STAG1: variants seen among roughly 807,000 people sequenced by gnomAD.
STAG1 encodes the protein cohesin subunit SA-1.
A neutral mutation model predicts 170.9 loss-of-function variants in STAG1; 26 were observed. The observed-to-expected ratio is 0.15, with a 90% CI of 0.11 to 0.21. STAG1 has a LOEUF of 0.21. Ranked by LOEUF, STAG1 falls within the 10% of genes least tolerant of loss-of-function variation. The probability of loss-of-function intolerance (pLI) is 1.00; values close to 1 mark genes in which losing one functional copy is unlikely to be tolerated. For missense variants in STAG1, 964 were observed against 1,509.5 expected (o/e 0.64, Z 5.99); for synonymous variants, 514 against 497.7 (o/e 1.03, Z -0.44).
At chr3:136,454,403 A>G (rs2089044364) in intron 13 of STAG1, among the ~76,000 whole-genome samples, 1 of 148,242 alleles carries the variant, frequency 6.7e-6, no homozygotes, top group South Asian at 2.1e-4. Context: ...TTTTGAGATG[A>G]AGTCTCACTC....
chr3:136,739,852 T>TAC (rs961633618), intron 1 of STAG1, among the ~76,000 whole-genome samples: 21 of 151,260 alleles, frequency 1.4e-4, no homozygotes, highest in Admixed American at 6.0e-4. Flanking sequence ...TATACATATA[T>TAC]ACACACACAC....
Position 136,502,930 on chromosome 3 carries a change from A to C in STAG1, c.677-151T>G, listed in dbSNP as rs1933557207. 1.3e-5 allele frequency: 8 copies of C among 614,240 alleles called. No individual in the cohort carries two copies. The South Asian group carries it at 3.2e-4, about 25-fold the overall frequency. The allele number at this position is 614,240 out of a possible 1,614,324, so 38.0% of individuals were successfully genotyped here. A position where few individuals can be genotyped will look rare whatever the true frequency, so the allele number is the denominator to read the frequency against. ...ATTTAAGTTTAAATAAAAGATAACT[A>C]ATTTATAGAAATAAACTCATCTGCA... On this transcript the variant is annotated intron_variant, in intron 7 of 33. Transcript: ENST00000383202.
intron 1 of STAG1, among the ~76,000 whole-genome samples, chr3:136,721,914 CAA>C (rs368976606): frequency 3.1e-5 from 4 of 127,634 alleles, no homozygotes; most frequent in Non-Finnish European, 3.4e-5. Context: ...GACTCCATCT[CAA>C]AAAAAAAAAA....
chr3:136,386,777 G>A (rs150849631), intron 22 of STAG1, among the ~76,000 whole-genome samples: 44 of 152,012 alleles, frequency 2.9e-4, no homozygotes, highest in African/African-American at 1.0e-3. Context: ...CATGGCTAGC[G>A]GAGGACCAAA....
At chr3:136,526,817 G>C (rs1935055733) in intron 6 of STAG1, among the ~76,000 whole-genome samples, 1 of 152,132 alleles carries the variant, frequency 6.6e-6, no homozygotes, top group Non-Finnish European at 1.5e-5. Context: ...GCATTTGTTT[G>C]TCTCTAAAGG....
intron 21 of STAG1, among the ~76,000 whole-genome samples, chr3:136,415,528 T>C (rs2087746456): frequency 6.6e-6 from 1 of 152,146 alleles, no homozygotes; most frequent in Non-Finnish European, 1.5e-5. Flanking sequence ...AAAGTGAGCT[T>C]GCATGGTTGT....
At chr3:136,477,127 GT>G in intron 10 of STAG1, among the ~76,000 whole-genome samples, 161 bp downstream of exon 10, 2 of 152,120 alleles carry the variant, frequency 1.3e-5, no homozygotes, top group Non-Finnish European at 1.5e-5. Context: ...AATGCTTCCA[GT>G]TTCATCACAA....
intron 1 of STAG1, among the ~76,000 whole-genome samples, chr3:136,729,877 C>CTTTTT (rs36212432): frequency 6.8e-5 from 4 of 58,548 alleles, no homozygotes; most frequent in Non-Finnish European, 1.2e-4. Flanking sequence ...CCACGCCAGG[C>CTTTTT]TTTTTTTTTT....
chr3:136,415,420 G>A (rs923334308), intron 21 of STAG1, among the ~76,000 whole-genome samples: 9 of 152,150 alleles, frequency 5.9e-5, no homozygotes, highest in African/African-American at 1.9e-4. Context: ...CACAACTGAG[G>A]GTCAACAGTA....
At chr3:136,681,542 G>A (rs1053146821) in intron 1 of STAG1, among the ~76,000 whole-genome samples, 1 of 152,080 alleles carries the variant, frequency 6.6e-6, no homozygotes, top group Non-Finnish European at 1.5e-5. Context: ...GCTATATAAA[G>A]TATCTATAAA....
At chr3:136,596,535 C>G (rs1272307830) in intron 4 of STAG1, among the ~76,000 whole-genome samples, 2 of 152,120 alleles carry the variant, frequency 1.3e-5, no homozygotes, top group Non-Finnish European at 2.9e-5. Context: ...CACAATATCT[C>G]TGAGGTATAC....
At chr3:136,454,754 A>C (rs1444413111) in intron 13 of STAG1, among the ~76,000 whole-genome samples, 1 of 152,200 alleles carries the variant, frequency 6.6e-6, no homozygotes, top group Non-Finnish European at 1.5e-5. Context: ...TTGAGTATTA[A>C]AATGTGGAAT....
intron 23 of STAG1, among the ~76,000 whole-genome samples, 189 bp downstream of exon 23, chr3:136,377,471 T>C (rs112644798): frequency 3.3e-5 from 5 of 151,090 alleles, no homozygotes; most frequent in African/African-American, 9.7e-5. Context: ...GGAAAGAATG[T>C]ATATTATATA....
At chr3:136,698,217 A>G (rs1044769303) in intron 1 of STAG1, among the ~76,000 whole-genome samples, 2 of 152,180 alleles carry the variant, frequency 1.3e-5, no homozygotes, top group Non-Finnish European at 2.9e-5. Context: ...GCAAACAGGC[A>G]ACCTACAGAA....
chr3:136,385,575 T>C (rs2086851870), intron 22 of STAG1, among the ~76,000 whole-genome samples: 1 of 152,232 alleles, frequency 6.6e-6, no homozygotes, highest in African/African-American at 2.4e-5. Context: ...TTTATTAGAT[T>C]GGCTAAGGTT....
intron 31 of STAG1, among the ~76,000 whole-genome samples, chr3:136,340,869 CT>C (rs1168890705): frequency 6.6e-6 from 1 of 152,160 alleles, no homozygotes; most frequent in Non-Finnish European, 1.5e-5. Flanking sequence ...CCCTAAAAAT[CT>C]TATTGGTAGT....
chr3:136,610,207 T>G (rs1192176427), intron 3 of STAG1, among the ~76,000 whole-genome samples: 1 of 152,088 alleles, frequency 6.6e-6, no homozygotes, highest in Non-Finnish European at 1.5e-5. Flanking sequence ...CAGCTAATCT[T>G]TGTATTCTTA....
chr3:136,524,998 G>C (rs966262869), intron 6 of STAG1, among the ~76,000 whole-genome samples: 25 of 152,012 alleles, frequency 1.6e-4, no homozygotes, highest in African/African-American at 6.0e-4. Flanking sequence ...TCAGTTTGCC[G>C]GTATTTTATT....
chr3:136,554,437 C>T (rs918769845), intron 5 of STAG1, among the ~76,000 whole-genome samples: 21 of 152,134 alleles, frequency 1.4e-4, no homozygotes, highest in African/African-American at 3.6e-4. Context: ...ATGCATAATA[C>T]GCATGAGTTT....
Sources: allele counts gnomAD v4.1 joint callset (sites outside exome capture counted in the v4.1 genomes callset), GRCh38; gene constraint gnomAD v4.1.1; transcripts MANE v1.5; gene names NCBI Gene and HGNC (gene_info 2026-07-23, HGNC 2026-07-21).